The following NFIB variants were observed in gnomAD, a reference collection of about 807,000 sequenced individuals.
The protein encoded by NFIB is nuclear factor 1 B-type.
Under a neutral mutation model 61.5 loss-of-function variants are expected in NFIB, and 11 were observed. The observed-to-expected ratio is 0.18, with a 90% CI of 0.11 to 0.30. The LOEUF (loss-of-function observed/expected upper bound fraction) is 0.30, where lower values mean the gene tolerates loss of function less well. Among genes scored for constraint, NFIB ranks in the 10% least tolerant of loss-of-function variants. The pLI is 1.00. For missense variants in NFIB, 471 were observed against 608.9 expected (o/e 0.77, Z 2.38); for synonymous variants, 260 against 216.5 (o/e 1.20, Z -1.76).
At chr9:14,527,291 C>T in the NFIB span, among the ~76,000 whole-genome samples, 1 of 152,098 alleles carries the variant, frequency 6.6e-6, no homozygotes, top group Admixed American at 6.5e-5. Flanking sequence ...ACTCAGATAT[C>T]ATCATCGTTG....
chr9:14,143,375 A>G (rs1017842469), intron 6 of NFIB, among the ~76,000 whole-genome samples: 7 of 151,936 alleles, frequency 4.6e-5, no homozygotes, highest in African/African-American at 1.7e-4. Context: ...ATTTTTGCCT[A>G]CTCAGAATAA....
the NFIB span, among the ~76,000 whole-genome samples, chr9:14,485,702 C>T: frequency 6.6e-6 from 1 of 152,046 alleles, no homozygotes; most frequent in African/African-American, 2.4e-5. Context: ...TGCTGAAACC[C>T]CATCTCTACT....
chr9:14,160,509 T>C (rs1305826675), intron 3 of NFIB, among the ~76,000 whole-genome samples: 1 of 152,110 alleles, frequency 6.6e-6, no homozygotes, highest in African/African-American at 2.4e-5. Flanking sequence ...GGACTATTAA[T>C]GTAGATGGTG....
At chr9:14,310,767 T>C (rs1475942741) in intron 1 of NFIB, among the ~76,000 whole-genome samples, 1 of 152,190 alleles carries the variant, frequency 6.6e-6, no homozygotes, top group Non-Finnish European at 1.5e-5. Flanking sequence ...CTTCCTTTAG[T>C]TGAACTAAAT....
intron 1 of NFIB, among the ~76,000 whole-genome samples, chr9:14,385,351 C>G (rs1190192115): frequency 6.6e-6 from 1 of 152,210 alleles, no homozygotes; most frequent in South Asian, 2.1e-4. Flanking sequence ...CTGCCTTCTT[C>G]TAACTATTAA....
At chr9:14,400,354 C>A (rs140711964), upstream of NFIB, among the ~76,000 whole-genome samples, 494 of 152,246 alleles carry the variant, frequency 3.2e-3, 2 homozygotes, top group Non-Finnish European at 5.9e-3. Context: ...CCTCTTCATT[C>A]TAAAAGGGAT....
intron 10 of NFIB, among the ~76,000 whole-genome samples, chr9:14,103,216 C>T (rs2036033421): frequency 6.6e-6 from 1 of 152,114 alleles, no homozygotes; most frequent in Non-Finnish European, 1.5e-5. Context: ...CAGCTCTGCC[C>T]TTCAGAGATT....
chr9:14,249,821 T>C (rs577625401), intron 2 of NFIB, among the ~76,000 whole-genome samples: 1 of 152,210 alleles, frequency 6.6e-6, no homozygotes, highest in South Asian at 2.1e-4. Context: ...AAGCCCTTTC[T>C]TGAGATAATT....
At chr9:14,240,242 C>G (rs939523490) in intron 2 of NFIB, among the ~76,000 whole-genome samples, 5 of 151,962 alleles carry the variant, frequency 3.3e-5, no homozygotes, top group Admixed American at 1.3e-4. Context: ...TCTCTGTCCC[C>G]ATCTCTCCCT....
At chr9:14,340,274 A>G (rs1376399702) in intron 1 of NFIB, among the ~76,000 whole-genome samples, 1 of 152,194 alleles carries the variant, frequency 6.6e-6, no homozygotes, top group Non-Finnish European at 1.5e-5. Flanking sequence ...GTCTCCAATA[A>G]TAGGAGTTCA....
intron 2 of NFIB, among the ~76,000 whole-genome samples, chr9:14,216,855 G>A (rs2050985852): frequency 6.6e-6 from 1 of 152,202 alleles, no homozygotes; most frequent in Non-Finnish European, 1.5e-5. Context: ...AGACAGGCCT[G>A]TAACTAAAGC....
the NFIB span, among the ~76,000 whole-genome samples, chr9:14,421,836 G>A: frequency 1.3e-5 from 2 of 152,124 alleles, no homozygotes; most frequent in Non-Finnish European, 2.9e-5. Context: ...ATTTATGATT[G>A]AGCAGAAATC....
At chr9:14,157,962 T>C (rs2043636712) in intron 3 of NFIB, among the ~76,000 whole-genome samples, 1 of 151,764 alleles carries the variant, frequency 6.6e-6, no homozygotes, top group African/African-American at 2.4e-5. Context: ...AATACAAAAA[T>C]TAGCCGGGCA....
At position 14,313,618 on chromosome 9, in the gene NFIB, A is replaced by T; in HGVS notation, c.-107T>A. On this transcript the variant is annotated 5_prime_UTR_variant, in exon 1 of 11. The change creates a new upstream start codon in the 5' untranslated region. Coordinates refer to ENST00000380953, the MANE Select transcript of NFIB (RefSeq NM_001190737.2). The surrounding 1 kb of genome is among the most constrained non-coding windows in gnomAD (Gnocchi z 4.5). Reference sequence around the variant, plus strand: ...TCATCTGAGCCCCGCGATGCGATCAATCAGGACGGGGCTCTGCGCTGGATC... The same window carrying T: ...TCATCTGAGCCCCGCGATGCGATCATTCAGGACGGGGCTCTGCGCTGGATC... 6.3e-7 allele frequency: 1 copy of T among 1,597,808 alleles called. No individual in the cohort carries two copies. Among genetic ancestry groups the T allele is most frequent in the Non-Finnish European group, 8.5e-7 (1 of 1,171,876 alleles).
chr9:14,482,474 G>T, the NFIB span, among the ~76,000 whole-genome samples: 1 of 152,098 alleles, frequency 6.6e-6, no homozygotes, highest in Non-Finnish European at 1.5e-5. Context: ...ATGTTCTTAG[G>T]AAGATGAATC....
intron 1 of NFIB, among the ~76,000 whole-genome samples, chr9:14,308,643 A>G (rs1224616225): frequency 6.7e-6 from 1 of 149,742 alleles, no homozygotes; most frequent in Non-Finnish European, 1.5e-5. Context: ...TGGAATCTAT[A>G]CAATTCATTT....
intron 1 of NFIB, among the ~76,000 whole-genome samples, chr9:14,342,420 A>G (rs2060963125): frequency 6.6e-6 from 1 of 151,878 alleles, no homozygotes. Flanking sequence ...AGCCAGTGAA[A>G]TGAGAAGGAA....
the NFIB span, among the ~76,000 whole-genome samples, chr9:14,438,315 C>T: frequency 1.2e-4 from 19 of 152,290 alleles, no homozygotes; most frequent in African/African-American, 3.6e-4. Context: ...CAGAAAGAAA[C>T]GCTGGGTGCT....
At chr9:14,201,801 TAAA>T (rs141196920) in intron 2 of NFIB, among the ~76,000 whole-genome samples, 1 of 146,800 alleles carries the variant, frequency 6.8e-6, no homozygotes, top group East Asian at 2.0e-4. Flanking sequence ...AAAGTAACCT[TAAA>T]AAAAAAAAGT....
Sources: gnomAD v4.1 joint callset for allele counts (sites outside exome capture counted in the v4.1 genomes callset) on GRCh38, gnomAD v4.1.1 for gene constraint, Gnocchi (gnomAD v3.1) non-coding constraint, MANE v1.5 for transcripts, NCBI Gene and HGNC (gene_info 2026-07-23, HGNC 2026-07-21) for gene names.